STK10: variants seen among roughly 807,000 people sequenced by gnomAD.
The protein encoded by STK10 is serine/threonine kinase 10, also known as serine/threonine-protein kinase 10.
A neutral mutation model predicts 113.8 loss-of-function variants in STK10; 78 were observed. That is an observed-to-expected ratio of 0.69 (90% confidence interval 0.57 to 0.83). STK10 has a LOEUF of 0.83. Ranked by LOEUF, STK10 falls within the 40% of genes least tolerant of loss-of-function variation. The pLI is 0.00. For synonymous variants in STK10, 465 were observed against 494.7 expected (o/e 0.94, Z 0.80); for missense variants, 1,109 against 1,280.1 (o/e 0.87, Z 2.04).
At chr5:172,124,037 C>T (rs1769569826) in intron 3 of STK10, among the ~76,000 whole-genome samples, 1 of 152,172 alleles carries the variant, frequency 6.6e-6, no homozygotes, top group African/African-American at 2.4e-5. Flanking sequence ...AGCAATCCTC[C>T]AGCCTCAGCC....
At chr5:172,131,225 AG>A (rs1677049546) in intron 2 of STK10, among the ~76,000 whole-genome samples, 1 of 152,018 alleles carries the variant, frequency 6.6e-6, no homozygotes, top group Non-Finnish European at 1.5e-5. Flanking sequence ...TGGTAGAGGC[AG>A]GGTTTCACCG....
At position 172,045,002 on chromosome 5, in the gene STK10, G is replaced by C. The variant is rs772965472; in HGVS notation, c.2787C>G (p.Asn929Lys). Reference sequence around the variant, plus strand: ...ACATCTCCTGCTCCCGCTTCTTCTGGTTCAGATCCTCTTCCAGAGCCTAGG... The same window carrying C: ...ACATCTCCTGCTCCCGCTTCTTCTGCTTCAGATCCTCTTCCAGAGCCTAGG... ...PRKKALEEDLNQKKREQEMFF... is the reference protein window; with the variant it reads ...PRKKALEEDLKQKKREQEMFF... Residue 929 changes from asparagine (N) to lysine (K), a missense_variant, in exon 19 of 19, where the codon AAC becomes AAG. Asn to Lys is a moderately conservative substitution (Grantham distance 94). Transcript: ENST00000176763. 2 of 1,614,170 alleles carry C rather than the reference G, an allele frequency of 1.2e-6. No individual in the cohort carries two copies. The highest frequency in any genetic ancestry group is 1.1e-5 in the South Asian group (1 of 91,082).
intron 10 of STK10, among the ~76,000 whole-genome samples, chr5:172,087,630 T>A (rs867984202): frequency 0.028 from 3,774 of 135,210 alleles, 721 homozygotes; most frequent in African/African-American, 0.11. Flanking sequence ...TTTATTTTTT[T>A]TTTTTTTTTG....
intron 17 of STK10, among the ~76,000 whole-genome samples, chr5:172,053,833 G>T (rs989778972): frequency 6.6e-6 from 1 of 152,264 alleles, no homozygotes; most frequent in Non-Finnish European, 1.5e-5. Flanking sequence ...CATGCCTGTG[G>T]CCTGCCAGGA....
chr5:172,080,567 A>C (rs1409378256), intron 12 of STK10, among the ~76,000 whole-genome samples: 1 of 152,286 alleles, frequency 6.6e-6, no homozygotes, highest in African/African-American at 2.4e-5. Flanking sequence ...CTATGCTGAG[A>C]TAAACTTTGA....
chr5:172,138,402 A>G (rs527708844), intron 2 of STK10, among the ~76,000 whole-genome samples: 26 of 152,250 alleles, frequency 1.7e-4, no homozygotes, highest in Non-Finnish European at 3.1e-4. Flanking sequence ...GATTACAGGC[A>G]TGAGCCACTG....
chr5:172,124,126 C>T (rs182651269), intron 3 of STK10, among the ~76,000 whole-genome samples: 151 of 152,220 alleles, frequency 9.9e-4, no homozygotes, highest in Admixed American at 8.8e-3. Context: ...CGGGGTTTTG[C>T]CCTGTTGCCC....
At chr5:172,175,640 C>A (rs926274116) in intron 1 of STK10, among the ~76,000 whole-genome samples, 1 of 152,220 alleles carries the variant, frequency 6.6e-6, no homozygotes, top group Admixed American at 6.5e-5. Context: ...CATCGCCATC[C>A]AGCTGAGGCA....
intron 1 of STK10, among the ~76,000 whole-genome samples, chr5:172,170,594 C>T (rs1421307418): frequency 6.6e-6 from 1 of 152,228 alleles, no homozygotes; most frequent in Non-Finnish European, 1.5e-5. Flanking sequence ...CCTGGCACAG[C>T]TCAGGGAAAT....
At chr5:172,100,057 C>T (rs183785422) in intron 7 of STK10, among the ~76,000 whole-genome samples, 1 of 152,324 alleles carries the variant, frequency 6.6e-6, no homozygotes, top group African/African-American at 2.4e-5. Context: ...CAGGGCCACC[C>T]GTCCTATGGC....
At chr5:172,087,635 T>A (rs142330159) in intron 10 of STK10, among the ~76,000 whole-genome samples, 16,391 of 101,752 alleles carry the variant, frequency 0.16, 2,807 homozygotes, top group African/African-American at 0.27. Flanking sequence ...TTTTTTTTTT[T>A]TTTTGAGACG....
chr5:172,118,743 G>T lies in STK10; in HGVS notation c.371-1113C>A, dbSNP rs189009273. ...AAAATACAAAAACTAGCTGGGCGTG[G>T]TGGTGCACGCATGTGATCACAGCTA... On this transcript the variant is annotated intron_variant, in intron 3 of 18. Transcript: ENST00000176763. Among the ~76,000 whole-genome samples, 46 of 152,156 alleles carry T rather than the reference G, an allele frequency of 3.0e-4. 1 individual carries two copies. The East Asian group carries it at 6.8e-3, about 22-fold the overall frequency.
At chr5:172,118,323 C>T (rs1161757999) in intron 3 of STK10, among the ~76,000 whole-genome samples, 2 of 152,124 alleles carry the variant, frequency 1.3e-5, no homozygotes, top group Admixed American at 6.6e-5. Context: ...ACTGAGAGGG[C>T]ACTTACTATG....
At chr5:172,091,218 C>T (rs1259044687) in intron 9 of STK10, among the ~76,000 whole-genome samples, 4 of 152,282 alleles carry the variant, frequency 2.6e-5, no homozygotes, top group African/African-American at 7.2e-5. Flanking sequence ...AATCCTCGCG[C>T]ATGGTGCCAA....
chr5:172,081,351 C>CAA (rs58173076), intron 12 of STK10, among the ~76,000 whole-genome samples: 43 of 68,540 alleles, frequency 6.3e-4, no homozygotes, highest in East Asian at 2.1e-3. Context: ...ACTCCATCTC[C>CAA]AAAAAAAAAA....
chr5:172,128,532 T>C (rs1055534602), intron 2 of STK10, among the ~76,000 whole-genome samples: 5 of 152,208 alleles, frequency 3.3e-5, no homozygotes, highest in South Asian at 2.1e-4. Flanking sequence ...GGTTTCACCA[T>C]GTTGGCCAGG....
At chr5:172,051,083 A>T (rs1767616290) in intron 18 of STK10, among the ~76,000 whole-genome samples, 1 of 151,444 alleles carries the variant, frequency 6.6e-6, no homozygotes, top group South Asian at 2.1e-4. Context: ...ACTCCGTCTC[A>T]GGAAAAAAAA....
At chr5:172,050,655 C>T (rs1767608162) in intron 18 of STK10, among the ~76,000 whole-genome samples, 1 of 151,824 alleles carries the variant, frequency 6.6e-6, no homozygotes, top group Non-Finnish European at 1.5e-5. Context: ...AGCATTCAAG[C>T]AAAAATGAGA....
At chr5:172,124,355 A>T (rs1206575496) in intron 3 of STK10, among the ~76,000 whole-genome samples, 1 of 152,192 alleles carries the variant, frequency 6.6e-6, no homozygotes, top group Admixed American at 6.5e-5. Flanking sequence ...CACCTAAAAA[A>T]GTTTGAGTAT....
Sources: allele counts gnomAD v4.1 joint callset (sites outside exome capture counted in the v4.1 genomes callset), GRCh38; gene constraint gnomAD v4.1.1; transcripts MANE v1.5; gene names NCBI Gene and HGNC (gene_info 2026-07-23, HGNC 2026-07-21).